The following ASTN2 variants were observed in gnomAD, a reference collection of about 807,000 sequenced individuals.
ASTN2 encodes astrotactin 2.
In ASTN2, 54 loss-of-function variants were observed where a neutral mutation model predicts 139.8. That is an observed-to-expected ratio of 0.39 (90% CI 0.31 to 0.48). The LOEUF (loss-of-function observed/expected upper bound fraction) is 0.48, where lower values mean the gene tolerates loss of function less well. Ranked by LOEUF, ASTN2 falls within the 20% of genes least tolerant of loss-of-function variation. The probability of loss-of-function intolerance (pLI) is 0.95; values close to 1 mark genes in which losing one functional copy is unlikely to be tolerated. For synonymous variants in ASTN2, 756 were observed against 719.5 expected, an observed-to-expected ratio of 1.05 and a Z score of -0.81; for missense variants, 1,565 against 1,725.1, an observed-to-expected ratio of 0.91 and a Z score of 1.64.
chr9:116,897,483 T>A (rs1486174645), intron 10 of ASTN2, among the ~76,000 whole-genome samples: 1 of 152,248 alleles, frequency 6.6e-6, no homozygotes, highest in Admixed American at 6.5e-5. Flanking sequence ...AGCGTTTAAC[T>A]GTGAGCTTTT....
At chr9:117,125,705 A>G (rs141162543) in intron 4 of ASTN2, among the ~76,000 whole-genome samples, 1 of 152,296 alleles carries the variant, frequency 6.6e-6, no homozygotes, top group Non-Finnish European at 1.5e-5. Context: ...AATTATGTAC[A>G]CATATCCGTC....
chr9:116,840,280 C>G (rs1225830440), intron 11 of ASTN2, among the ~76,000 whole-genome samples: 2 of 150,866 alleles, frequency 1.3e-5, no homozygotes, highest in Non-Finnish European at 2.9e-5. Flanking sequence ...CTACCTCTTT[C>G]TACACAGACA....
intron 19 of ASTN2, among the ~76,000 whole-genome samples, chr9:116,498,262 A>G (rs1849733580): frequency 6.6e-6 from 1 of 152,134 alleles, no homozygotes; most frequent in Non-Finnish European, 1.5e-5. Context: ...TGTCTCTGTG[A>G]ACTTCAGTCT....
intron 10 of ASTN2, among the ~76,000 whole-genome samples, chr9:116,942,094 ACAC>A (rs1835254808): frequency 6.8e-6 from 1 of 146,320 alleles, no homozygotes; most frequent in Non-Finnish European, 1.5e-5. Context: ...ACGCACGCAC[ACAC>A]ACACACACAC....
chr9:116,851,392 T>C (rs1419457147), intron 11 of ASTN2, among the ~76,000 whole-genome samples: 2 of 152,162 alleles, frequency 1.3e-5, no homozygotes, highest in African/African-American at 4.8e-5. Flanking sequence ...TAGGTGAGAA[T>C]TGCTTAATTC....
chr9:117,164,561 A>G lies in ASTN2; in HGVS notation c.1016-23083T>C, dbSNP rs1196095438. ...GGTCTCCTTAAACCCCTGCCCCCCA[A>G]TCCCCTCCAGGTAGCCAGCAGGCTC... On this transcript the variant is annotated intron_variant, in intron 3 of 22. Transcript: ENST00000313400. Among the ~76,000 whole-genome samples the G allele has an allele frequency of 2.0e-5, 3 of 151,960 alleles. No homozygotes were observed. The East Asian group carries it at 5.8e-4, about 29-fold the overall frequency.
intron 2 of ASTN2, among the ~76,000 whole-genome samples, chr9:117,281,975 G>C (rs184263215): frequency 6.6e-6 from 1 of 152,270 alleles, no homozygotes; most frequent in African/African-American, 2.4e-5. Context: ...TCTTGAGGTT[G>C]AGTTCCATCT....
intron 2 of ASTN2, among the ~76,000 whole-genome samples, chr9:117,254,122 C>T (rs560763167): frequency 6.6e-6 from 1 of 152,170 alleles, no homozygotes; most frequent in East Asian, 1.9e-4. Flanking sequence ...TCCAACTATG[C>T]GAGCCTCAGA....
At chr9:117,368,947 C>T (rs1396503945) in intron 1 of ASTN2, among the ~76,000 whole-genome samples, 1 of 152,028 alleles carries the variant, frequency 6.6e-6, no homozygotes, top group Non-Finnish European at 1.5e-5. Flanking sequence ...GAACTTAGGT[C>T]AAGTAAAACG....
intron 10 of ASTN2, among the ~76,000 whole-genome samples, chr9:116,878,591 C>T (rs1224848928): frequency 2.0e-5 from 3 of 151,992 alleles, no homozygotes; most frequent in Non-Finnish European, 2.9e-5. Context: ...ATAGCTAATA[C>T]ATGTGGGGCT....
intron 4 of ASTN2, among the ~76,000 whole-genome samples, chr9:117,102,883 CT>C (rs75242798): frequency 8.5e-4 from 125 of 147,768 alleles, no homozygotes; most frequent in African/African-American, 2.2e-3. Flanking sequence ...AAGAAACCAA[CT>C]TTTTTTTTTT....
chr9:116,995,840 TTTTA>T (rs1195467575), intron 7 of ASTN2, among the ~76,000 whole-genome samples: 1 of 152,140 alleles, frequency 6.6e-6, no homozygotes, highest in African/African-American at 2.4e-5. Context: ...TTATTTCCAT[TTTTA>T]TTTATTTATT....
intron 3 of ASTN2, among the ~76,000 whole-genome samples, chr9:117,205,898 G>GA (rs1367385245): frequency 6.6e-6 from 1 of 152,198 alleles, no homozygotes; most frequent in African/African-American, 2.4e-5. Context: ...CAAGCTCAAC[G>GA]ATAGACAGTA....
chr9:116,447,890 G>T (rs1848050076), intron 20 of ASTN2, among the ~76,000 whole-genome samples: 2 of 152,186 alleles, frequency 1.3e-5, no homozygotes, highest in Non-Finnish European at 2.9e-5. Flanking sequence ...GATCAGAGGA[G>T]GGTGGGTAGA....
chr9:116,985,235 A>C (rs1169626393), intron 7 of ASTN2, among the ~76,000 whole-genome samples: 3 of 152,146 alleles, frequency 2.0e-5, no homozygotes, highest in African/African-American at 7.2e-5. Context: ...TTCCCAAAGC[A>C]CTGAGACAAA....
chr9:116,762,172 A>T (rs1168874046), intron 13 of ASTN2, among the ~76,000 whole-genome samples: 1 of 152,232 alleles, frequency 6.6e-6, no homozygotes, highest in Admixed American at 6.5e-5. Flanking sequence ...TATAGCTGTA[A>T]TATTGGCTCT....
intron 20 of ASTN2, among the ~76,000 whole-genome samples, chr9:116,472,674 C>A (rs139962072): frequency 0.033 from 5,062 of 151,584 alleles, 120 homozygotes; most frequent in Non-Finnish European, 0.045. Context: ...GAGGCTGAGG[C>A]AGGCAGATCA....
chr9:117,125,646 C>A (rs1296358960), intron 4 of ASTN2, among the ~76,000 whole-genome samples: 5 of 152,152 alleles, frequency 3.3e-5, no homozygotes, highest in African/African-American at 4.8e-5. Context: ...CTGCTAGCTG[C>A]AAGATCATGA....
intron 2 of ASTN2, among the ~76,000 whole-genome samples, chr9:117,262,383 T>A (rs1418366955): frequency 6.9e-6 from 1 of 145,354 alleles, no homozygotes; most frequent in Non-Finnish European, 1.5e-5. Context: ...CTGTGGTTGA[T>A]ATTCTGTTTC....
Sources: gnomAD v4.1 joint callset for allele counts (sites outside exome capture counted in the v4.1 genomes callset) on GRCh38, gnomAD v4.1.1 for gene constraint, MANE v1.5 for transcripts, NCBI Gene and HGNC (gene_info 2026-07-23, HGNC 2026-07-21) for gene names.